Variants in JAK2 observed in about 807,000 individuals in gnomAD.
The protein encoded by JAK2 is Janus kinase 2.
JAK2 carries 86 observed loss-of-function variants against 139.3 expected under a neutral mutation model. The ratio of observed to expected loss-of-function variants is 0.62; its 90% CI spans 0.52 to 0.74. The LOEUF is 0.74. Ranked by LOEUF, JAK2 falls within the 30% of genes least tolerant of loss-of-function variation. The pLI is 0.00. For synonymous variants in JAK2, 490 were observed against 437.7 expected, an observed-to-expected ratio of 1.12 and a Z score of -1.49; for missense variants, 1,421 against 1,360.3, an observed-to-expected ratio of 1.04 and a Z score of -0.70.
chr9:5,041,404 G>C lies in JAK2; in HGVS notation c.351-2999G>C, dbSNP rs539065889. Reference sequence around the variant, plus strand: ...AGGAGCAGAGCCACTGCAACAACCTGGAGGTGCTGGGCCACATGTTCATGT... The same window carrying C: ...AGGAGCAGAGCCACTGCAACAACCTCGAGGTGCTGGGCCACATGTTCATGT... On this transcript the variant is annotated intron_variant, in intron 4 of 24. Transcript: ENST00000381652. 1.5e-3 allele frequency: 927 copies of C among 626,820 alleles called. 2 individuals are homozygous for C. Among genetic ancestry groups the C allele is most frequent in the Non-Finnish European group, 2.4e-3 (805 of 332,586 alleles). 38.8% of individuals were successfully genotyped at this position (626,820 alleles called of 1,614,324 possible).
chr9:5,020,788 C>T (rs1822368810), intron 2 of JAK2, among the ~76,000 whole-genome samples: 1 of 152,052 alleles, frequency 6.6e-6, no homozygotes, highest in Non-Finnish European at 1.5e-5. Flanking sequence ...CCAGAGGCGG[C>T]AGCCAGCAAT....
chr9:5,012,160 C>CT (rs1821745813), intron 2 of JAK2, among the ~76,000 whole-genome samples: 1 of 152,198 alleles, frequency 6.6e-6, no homozygotes, highest in Non-Finnish European at 1.5e-5. Flanking sequence ...GATACTTTCA[C>CT]CCAGTAAGAC....
At chr9:5,012,736 T>C (rs1363771176) in intron 2 of JAK2, among the ~76,000 whole-genome samples, 1 of 152,240 alleles carries the variant, frequency 6.6e-6, no homozygotes, top group Non-Finnish European at 1.5e-5. Flanking sequence ...TGTTGAATTA[T>C]AAGGTATTGA....
At chr9:5,108,144 A>G (rs2130782446) in intron 22 of JAK2, 1 of 152,216 alleles carries the variant, frequency 6.6e-6, no homozygotes. Context: ...ATTACCTTTT[A>G]TAATCCTAGC....
At chr9:5,034,884 A>T (rs1426156382) in intron 4 of JAK2, among the ~76,000 whole-genome samples, 1 of 152,064 alleles carries the variant, frequency 6.6e-6, no homozygotes, top group Non-Finnish European at 1.5e-5. Context: ...AATAACTGAG[A>T]TCAGAGCAGA....
At chr9:4,990,822 C>T (rs192123780) in intron 2 of JAK2, among the ~76,000 whole-genome samples, 9 of 152,226 alleles carry the variant, frequency 5.9e-5, no homozygotes, top group South Asian at 4.1e-4. Flanking sequence ...TTGTTCTCTC[C>T]GGTTTAACAA....
intron 22 of JAK2, chr9:5,110,173 T>C (rs538528356): frequency 2.6e-5 from 4 of 152,228 alleles, no homozygotes; most frequent in African/African-American, 7.2e-5. Flanking sequence ...CCATCCGCCA[T>C]AGAAGGCCCA....
intron 2 of JAK2, among the ~76,000 whole-genome samples, chr9:5,021,514 A>G (rs7034753): frequency 0.65 from 99,300 of 152,214 alleles, 34,168 homozygotes; most frequent in African/African-American, 0.89. Context: ...GTATGTAGTA[A>G]TACACGATAT....
intron 8 of JAK2, among the ~76,000 whole-genome samples, chr9:5,056,484 TC>T: frequency 6.6e-6 from 1 of 152,250 alleles, no homozygotes; most frequent in South Asian, 2.1e-4. Context: ...GTCTGGCTGT[TC>T]CAGGGTTATA....
chr9:5,006,264 C>T (rs201468334), intron 2 of JAK2, among the ~76,000 whole-genome samples: 117 of 148,260 alleles, frequency 7.9e-4, no homozygotes, highest in Non-Finnish European at 1.3e-3. Flanking sequence ...CAATTGTGAA[C>T]GGGAGTTCAC....
intron 22 of JAK2, chr9:5,094,086 C>T (rs953389957): frequency 1.2e-4 from 18 of 152,134 alleles, no homozygotes; most frequent in African/African-American, 4.1e-4. Context: ...GGTTCAACTC[C>T]CCTTCTTAAC....
At chr9:5,022,349 C>A in intron 3 of JAK2, 136 bp downstream of exon 3, 1 of 583,070 alleles carries the variant, frequency 1.7e-6, no homozygotes, top group South Asian at 2.6e-5. Context: ...TTTTCACATG[C>A]ATAGAAAATG....
rs572620383 is a variant in JAK2, at chr9:5,033,659, G to C, written c.350+3753G>C. ...CAAACTAAGCTTCATATGTGAAGGAGAAATAAAATCCTTTACAGACAAGCA... is the reference window on the plus strand; with the variant it reads ...CAAACTAAGCTTCATATGTGAAGGACAAATAAAATCCTTTACAGACAAGCA... On this transcript the variant is annotated intron_variant, in intron 4 of 24. Coordinates refer to ENST00000381652, the MANE Select transcript of JAK2 (RefSeq NM_004972.4). 2.0e-5 allele frequency among the ~76,000 whole-genome samples: 3 copies of C among 152,268 alleles called. No individual in the cohort carries two copies. In the East Asian group the frequency reaches 5.8e-4, roughly 29 times the overall value.
At chr9:5,083,505 T>C (rs1819860267) in intron 19 of JAK2, among the ~76,000 whole-genome samples, 1 of 152,230 alleles carries the variant, frequency 6.6e-6, no homozygotes, top group Non-Finnish European at 1.5e-5. Context: ...TCTGGGAACT[T>C]ATAGCATTTA....
intron 19 of JAK2, among the ~76,000 whole-genome samples, chr9:5,087,591 A>T (rs947040586): frequency 2.0e-5 from 3 of 152,210 alleles, no homozygotes; most frequent in African/African-American, 7.2e-5. Context: ...AAATAGAGGC[A>T]TTCCGAATTA....
At chr9:5,123,216 A>G in intron 23 of JAK2, 95 bp downstream of exon 23, 3 of 731,116 alleles carry the variant, frequency 4.1e-6, no homozygotes, top group Non-Finnish European at 7.0e-6. Flanking sequence ...ACATGCATAC[A>G]TTGCATAGTG....
chr9:5,062,909 T>C (rs1269506741), intron 8 of JAK2, among the ~76,000 whole-genome samples: 1 of 152,168 alleles, frequency 6.6e-6, no homozygotes, highest in South Asian at 2.1e-4. Flanking sequence ...TAGTTTTCTT[T>C]TTTTATTTTT....
At chr9:4,990,210 A>G (rs1239130472) in intron 2 of JAK2, among the ~76,000 whole-genome samples, 1 of 152,210 alleles carries the variant, frequency 6.6e-6, no homozygotes, top group Non-Finnish European at 1.5e-5. Context: ...GAGGAAATCA[A>G]AGAGTGTTGA....
chr9:5,105,750 A>G (rs1029753540), intron 22 of JAK2, among the ~76,000 whole-genome samples: 3 of 152,256 alleles, frequency 2.0e-5, no homozygotes, highest in South Asian at 4.1e-4. Flanking sequence ...GGCCTCAGAA[A>G]TAACACCACA....
Sources: gnomAD v4.1 joint callset for allele counts (sites outside exome capture counted in the v4.1 genomes callset) on GRCh38, gnomAD v4.1.1 for gene constraint, MANE v1.5 for transcripts, NCBI Gene and HGNC (gene_info 2026-07-23, HGNC 2026-07-21) for gene names.